Variants in OVCH1 observed in about 807,000 individuals in gnomAD.
The protein encoded by OVCH1 is ovochymase 1, also known as ovochymase-1.
In OVCH1, 139 loss-of-function variants were observed where a neutral mutation model predicts 138.4. The ratio of observed to expected loss-of-function variants is 1.00; its 90% CI spans 0.87 to 1.16. The LOEUF is 1.16. OVCH1 is among the 50% of genes most tolerant of loss of function. The pLI is 0.00. For synonymous variants in OVCH1, 453 were observed against 467.8 expected (o/e 0.97, Z 0.41); for missense variants, 1,367 against 1,357.9 (o/e 1.01, Z -0.11).
At chr12:29,424,747 A>T (rs1413915350), downstream of OVCH1, among the ~76,000 whole-genome samples, 1 of 152,212 alleles carries the variant, frequency 6.6e-6, no homozygotes. Context: ...TATTAACTAT[A>T]TGGCAAGTTA....
downstream of OVCH1, among the ~76,000 whole-genome samples, chr12:29,409,226 C>G (rs1163373601): frequency 6.6e-6 from 1 of 152,148 alleles, no homozygotes; most frequent in South Asian, 2.1e-4. Context: ...TGCTAGCGGT[C>G]TATCAAATTT....
At chr12:29,411,904 C>T (rs867554746), downstream of OVCH1, among the ~76,000 whole-genome samples, 1 of 149,416 alleles carries the variant, frequency 6.7e-6, no homozygotes, top group Non-Finnish European at 1.5e-5. Context: ...GCCCTGCCCC[C>T]AGAGGTGGAG....
At chr12:29,468,597 T>G (rs1404931010) in intron 16 of OVCH1, among the ~76,000 whole-genome samples, 1 of 152,192 alleles carries the variant, frequency 6.6e-6, no homozygotes, top group African/African-American at 2.4e-5. Flanking sequence ...ACATTAATTT[T>G]CACAAATTAA....
chr12:29,461,852 A>G lies in OVCH1; in HGVS notation c.2280+2T>C. The G allele has an allele frequency of 6.2e-7, 1 of 1,613,680 alleles. No individual in the cohort carries two copies. The highest frequency in any genetic ancestry group is 8.5e-7 in the Non-Finnish European group (1 of 1,179,736). The stretch of plus-strand genomic sequence containing the variant: ...TCCTGTATAAAACCAGAATCCTCTC[A>G]CCTGGCAGAAATCTTTCTCTCCAGA... On this transcript the variant is annotated splice_donor_variant, in intron 19 of 27. Transcript: ENST00000318184. LOFTEE classifies it high-confidence loss of function.
rs190712690 is a variant in OVCH1 at position 29,443,391 on chromosome 12, C to T, written c.3127G>A (p.Glu1043Lys). 3.4e-4 allele frequency: 554 copies of T among 1,611,478 alleles called. 1 individual carries two copies. In the African/African-American group the frequency reaches 5.3e-3, roughly 15 times the overall value. Residue 1043 changes from glutamate (E) to lysine (K), a missense_variant, in exon 25 of 28, where the codon GAA (glutamate) becomes AAA (lysine). Coordinates refer to ENST00000318184, the Ensembl canonical transcript of OVCH1. ...AATTTTTTTCCTGGTCCAAATCCTT[C>T]GTAAACACGCAGATGACCATGACAG...
intron 9 of OVCH1, among the ~76,000 whole-genome samples, chr12:29,478,592 C>T (rs745792129): frequency 5.3e-5 from 8 of 152,144 alleles, no homozygotes; most frequent in Non-Finnish European, 7.4e-5. Context: ...CTCCCCTTAA[C>T]CCTTCTAGAA....
At chr12:29,470,464 C>T (rs1942465798) in intron 16 of OVCH1, among the ~76,000 whole-genome samples, 2 of 152,112 alleles carry the variant, frequency 1.3e-5, no homozygotes, top group Non-Finnish European at 2.9e-5. Context: ...TGAGAACATG[C>T]ATTGTTTGGT....
Position 29,475,055 on chromosome 12 carries a change from A to G in OVCH1, c.1600+6T>C, listed in dbSNP as rs372188447. The stretch of plus-strand genomic sequence containing the variant: ...AAGTCCTTATTACACAAATGTTTAT[A>G]CTCACCTGAGGGCAAAATGGTAAAT... On this transcript the variant is annotated splice_donor_region_variant and intron_variant, in intron 14 of 27. Transcript: ENST00000318184. 16 of 1,580,086 alleles carry G rather than the reference A, an allele frequency of 1.0e-5. No individual in the cohort carries two copies. Among genetic ancestry groups the G allele is most frequent in the Non-Finnish European group, 1.3e-5 (15 of 1,161,582 alleles).
intron 25 of OVCH1, among the ~76,000 whole-genome samples, chr12:29,441,536 A>G (rs1404585665): frequency 6.6e-6 from 1 of 152,212 alleles, no homozygotes. Context: ...AAACCTAGGC[A>G]TTACCATTCA....
intron 15 of OVCH1, 29 bp from the exon 16 acceptor site, chr12:29,472,011 T>C: frequency 1.3e-6 from 2 of 1,575,032 alleles, no homozygotes; most frequent in Non-Finnish European, 1.7e-6. Context: ...CAATGACCCA[T>C]AAGGTTGCAG....
chr12:29,465,723 C>A (rs1264827241), intron 16 of OVCH1, among the ~76,000 whole-genome samples: 1 of 152,122 alleles, frequency 6.6e-6, no homozygotes, highest in East Asian at 1.9e-4. Context: ...CATAAAGTAT[C>A]ATTGGAAACC....
intron 25 of OVCH1, among the ~76,000 whole-genome samples, chr12:29,441,807 C>T (rs943350582): frequency 1.3e-5 from 2 of 152,154 alleles, no homozygotes; most frequent in African/African-American, 4.8e-5. Context: ...AAAAAATGGG[C>T]AAAGGACATG....
intron 24 of OVCH1, 93 bp from the exon 25 acceptor site, chr12:29,443,593 A>AC (rs1397092306): frequency 1.6e-6 from 2 of 1,244,310 alleles, no homozygotes; most frequent in Non-Finnish European, 2.2e-6. Context: ...AATGTTATTG[A>AC]CCCCCAGTGA....
the OVCH1 span, among the ~76,000 whole-genome samples, chr12:29,406,872 A>G: frequency 7.5e-6 from 1 of 132,680 alleles, no homozygotes; most frequent in Non-Finnish European, 1.6e-5. Context: ...ATCCCTGAGG[A>G]ATCGCCACAC....
chr12:29,443,328 C>A, intron 25 of OVCH1, 33 bp downstream of exon 25: 1 of 1,594,244 alleles, frequency 6.3e-7, no homozygotes, highest in Non-Finnish European at 8.6e-7. Context: ...AGAGAAAAAT[C>A]AGTAGCATAG....
chr12:29,486,473 A>C (rs980902860), intron 7 of OVCH1, 125 bp from the exon 8 acceptor site: 2 of 740,428 alleles, frequency 2.7e-6, no homozygotes, highest in African/African-American at 3.6e-5. Context: ...TGCAGAGGGA[A>C]TCTTTTCTCA....
At chr12:29,443,100 A>G (rs12304563) in intron 25 of OVCH1, among the ~76,000 whole-genome samples, 6,608 of 152,010 alleles carry the variant, frequency 0.043, 445 homozygotes, top group African/African-American at 0.14. Context: ...TTCATTCTTT[A>G]TTTTTAGTAT....
At chr12:29,480,894 C>T (rs1942909002) in intron 8 of OVCH1, among the ~76,000 whole-genome samples, 1 of 152,256 alleles carries the variant, frequency 6.6e-6, no homozygotes, top group East Asian at 1.9e-4. Context: ...GCAAATTGGC[C>T]CTATACTCGT....
At position 29,461,897 on chromosome 12, in the gene OVCH1, AT is replaced by A; in HGVS notation, c.2236del (p.Ile746SerfsTer22). 1 of 1,613,876 alleles carries A rather than the reference AT, an allele frequency of 6.2e-7. No homozygotes were observed. Among genetic ancestry groups the A allele is most frequent in the South Asian group, 1.1e-5 (1 of 91,080 alleles). On this transcript the variant is annotated frameshift_variant, in exon 19 of 28. Transcript: ENST00000318184. LOFTEE classifies it high-confidence loss of function. Reference sequence around the variant, plus strand: ...TCCAGATGCTGCAAAGCCAGCACAGATCATCTTCTCTGTGATCCCTCCTGGA... The same window carrying A: ...TCCAGATGCTGCAAAGCCAGCACAGACATCTTCTCTGTGATCCCTCCTGGA...
Sources: allele counts gnomAD v4.1 joint callset (sites outside exome capture counted in the v4.1 genomes callset), GRCh38; gene constraint gnomAD v4.1.1; transcripts MANE v1.5; gene names NCBI Gene and HGNC (gene_info 2026-07-23, HGNC 2026-07-21).